KLF8: variants seen among roughly 807,000 people sequenced by gnomAD.
The protein encoded by KLF8 is Krueppel-like factor 8.
A neutral mutation model predicts 18.2 loss-of-function variants in KLF8; 10 were observed. The ratio of observed to expected loss-of-function variants is 0.55; its 90% confidence interval spans 0.34 to 0.93. KLF8 has a LOEUF of 0.93. Among genes scored for constraint, KLF8 ranks in the 40% least tolerant of loss-of-function variants. The pLI is 0.02. For missense variants in KLF8, 264 were observed against 277.9 expected (o/e 0.95, Z 0.36); for synonymous variants, 109 against 97.3 (o/e 1.12, Z -0.71).
At chrX:55,939,520 T>TAAG in the KLF8 span, among the ~76,000 whole-genome samples, 1 of 111,088 alleles carries the variant, frequency 9.0e-6, no homozygotes, top group Non-Finnish European at 1.9e-5. Flanking sequence ...AAGAAATAAC[T>TAAG]AAGATCACAG....
chrX:55,956,761 C>T, the KLF8 span, among the ~76,000 whole-genome samples: 2 of 111,621 alleles, frequency 1.8e-5, no homozygotes, highest in African/African-American at 6.5e-5. Flanking sequence ...CATTTTGTTG[C>T]TGAGTTGCAG....
the KLF8 span, among the ~76,000 whole-genome samples, chrX:55,927,605 A>C: frequency 8.9e-6 from 1 of 112,148 alleles, no homozygotes; most frequent in African/African-American, 3.2e-5. Context: ...TTAATTTTCC[A>C]GTCTAGGGAT....
At chrX:56,096,600 T>C in the KLF8 span, among the ~76,000 whole-genome samples, 78 of 111,617 alleles carry the variant, frequency 7.0e-4, no homozygotes, top group African/African-American at 2.4e-3. Context: ...AAATCAATAG[T>C]GTCTTTTATC....
chrX:56,177,739 G>A, the KLF8 span, among the ~76,000 whole-genome samples: 19 of 111,660 alleles, frequency 1.7e-4, no homozygotes, highest in East Asian at 5.1e-3. Context: ...TTGAGCTGAG[G>A]TGGGCTCCAC....
At chrX:56,000,119 A>G in the KLF8 span, among the ~76,000 whole-genome samples, 4 of 111,011 alleles carry the variant, frequency 3.6e-5, no homozygotes, top group African/African-American at 1.3e-4. Context: ...TTTGTTTTTA[A>G]TCCTGTTTTT....
the KLF8 span, among the ~76,000 whole-genome samples, chrX:56,090,074 T>C: frequency 1.8e-5 from 2 of 111,688 alleles, no homozygotes; most frequent in Admixed American, 1.9e-4. Context: ...TATCACCTAA[T>C]GGGGAAAAAC....
intron 1 of KLF8, among the ~76,000 whole-genome samples, chrX:56,245,241 T>C (rs1049117050): frequency 8.9e-6 from 1 of 111,837 alleles, no homozygotes. Context: ...AGTTGTAGGT[T>C]CTAATGACTC....
chrX:55,961,511 C>T, the KLF8 span: 1 of 547,773 alleles, frequency 1.8e-6, no homozygotes, highest in African/African-American at 2.3e-5. Context: ...GGGGGTCTGG[C>T]TGAATTTTGC....
the KLF8 span, among the ~76,000 whole-genome samples, chrX:56,207,137 A>T: frequency 8.9e-6 from 1 of 112,163 alleles, no homozygotes; most frequent in African/African-American, 3.2e-5. Flanking sequence ...AGCCCATGAT[A>T]TTATTTTTTT....
chrX:56,016,174 C>T, the KLF8 span, among the ~76,000 whole-genome samples: 12 of 111,686 alleles, frequency 1.1e-4, no homozygotes, highest in Non-Finnish European at 2.3e-4. Context: ...TTGGGCAAAT[C>T]ATTTAGCCTC....
At chrX:55,936,158 T>C in the KLF8 span, among the ~76,000 whole-genome samples, 1 of 112,166 alleles carries the variant, frequency 8.9e-6, no homozygotes, top group Non-Finnish European at 1.9e-5. Flanking sequence ...TAAAATTTTC[T>C]CTCCTCAGTT....
the KLF8 span, among the ~76,000 whole-genome samples, chrX:56,087,522 C>T: frequency 2.7e-5 from 3 of 110,638 alleles, no homozygotes; most frequent in Admixed American, 9.7e-5. Flanking sequence ...TGAGGCCTCC[C>T]CAGAATTCAA....
chrX:56,243,877 G>A (rs2066586779), intron 1 of KLF8, among the ~76,000 whole-genome samples: 1 of 111,534 alleles, frequency 9.0e-6, no homozygotes. Flanking sequence ...GCCTGCTGAG[G>A]TGCTACAACT....
At chrX:56,093,868 A>G in the KLF8 span, among the ~76,000 whole-genome samples, 1,021 of 108,057 alleles carry the variant, frequency 9.4e-3, 11 homozygotes, top group African/African-American at 0.033. Flanking sequence ...GAAAGACTAC[A>G]TGGATTAATT....
chrX:56,032,965 ACTT>A, the KLF8 span, among the ~76,000 whole-genome samples: 1 of 111,920 alleles, frequency 8.9e-6, no homozygotes, highest in Non-Finnish European at 1.9e-5. Context: ...ATGTATTAGA[ACTT>A]CATTGCTCCA....
the KLF8 span, among the ~76,000 whole-genome samples, chrX:55,934,342 T>C: frequency 8.9e-6 from 1 of 111,755 alleles, no homozygotes; most frequent in African/African-American, 3.2e-5. Flanking sequence ...CAAAGACTTA[T>C]CAATAATAAA....
chrX:56,139,084 C>G, the KLF8 span, among the ~76,000 whole-genome samples: 1 of 111,137 alleles, frequency 9.0e-6, no homozygotes, highest in African/African-American at 3.3e-5. Flanking sequence ...CCTGGGAAAA[C>G]AGCTAACTAG....
chrX:56,221,442 C>G, the KLF8 span, among the ~76,000 whole-genome samples: 1 of 112,140 alleles, frequency 8.9e-6, no homozygotes, highest in African/African-American at 3.2e-5. Context: ...CCTATTGTGT[C>G]AGGAATTGGT....
At chrX:56,219,590 G>T in the KLF8 span, among the ~76,000 whole-genome samples, 1 of 112,211 alleles carries the variant, frequency 8.9e-6, no homozygotes, top group African/African-American at 3.2e-5. Context: ...ATAGGGACCA[G>T]TGCTGAAGAT....
Sources: gnomAD v4.1 joint callset for allele counts (sites outside exome capture counted in the v4.1 genomes callset) on GRCh38, gnomAD v4.1.1 for gene constraint, MANE v1.5 for transcripts, NCBI Gene and HGNC (gene_info 2026-07-23, HGNC 2026-07-21) for gene names.